POGLUT3: variants seen among roughly 807,000 people sequenced by gnomAD.
The protein encoded by POGLUT3 is protein O-glucosyltransferase 3.
In POGLUT3, 48 loss-of-function variants were observed where a neutral mutation model predicts 54.3. The observed-to-expected ratio is 0.88, with a 90% CI of 0.70 to 1.12. The LOEUF is 1.12. Among genes scored for constraint, POGLUT3 ranks in the 50% most tolerant of loss-of-function variants. POGLUT3 has a pLI of 0.00. For synonymous variants in POGLUT3, 218 were observed against 237.4 expected, an observed-to-expected ratio of 0.92 and a Z score of 0.75; for missense variants, 629 against 618.7, an observed-to-expected ratio of 1.02 and a Z score of -0.18.
At chr11:108,488,700 A>G (rs953611969) in intron 2 of POGLUT3, among the ~76,000 whole-genome samples, 1 of 152,232 alleles carries the variant, frequency 6.6e-6, no homozygotes, top group African/African-American at 2.4e-5. Flanking sequence ...CAGTTTAATT[A>G]TTTAGGTATA....
At chr11:108,485,241 G>A (rs1024812864) in intron 3 of POGLUT3, among the ~76,000 whole-genome samples, 1 of 152,190 alleles carries the variant, frequency 6.6e-6, no homozygotes, top group Non-Finnish European at 1.5e-5. Flanking sequence ...CAAGGAAAAT[G>A]TGTTCTAAGT....
In POGLUT3 at chr11:108,493,734, G is replaced by T. The variant is rs554913649; in HGVS notation, c.203-2567C>A. ...CAGGAGACTCACTTGAACCCAGGAG[G>T]CGGAGGTTGCAGTGAGCCGAGATCG... On this transcript the variant is annotated intron_variant, in intron 1 of 7. Transcript: ENST00000323468. Among the ~76,000 whole-genome samples, 1,347 of 151,240 alleles carry T rather than the reference G, an allele frequency of 8.9e-3. 20 individuals are homozygous for T. Among genetic ancestry groups the T allele is most frequent in the African/African-American group, 0.031 (1,260 of 41,092 alleles).
chr11:108,475,576 T>C (rs1167214257), intron 7 of POGLUT3, among the ~76,000 whole-genome samples: 1 of 150,098 alleles, frequency 6.7e-6, no homozygotes, highest in Non-Finnish European at 1.5e-5. Context: ...CAAGTGATCC[T>C]TACACCTCAG....
At chr11:108,477,561 C>A in intron 7 of POGLUT3, 46 bp downstream of exon 7, 1 of 1,207,954 alleles carries the variant, frequency 8.3e-7, no homozygotes, top group South Asian at 1.3e-5. Context: ...AGCGGGTAGT[C>A]TGAGGACACC....
In POGLUT3 at chr11:108,498,212, A is replaced by G. The variant is rs2093625928; in HGVS notation, c.155T>C (p.Leu52Pro). 2.6e-6 allele frequency: 4 copies of G among 1,520,170 alleles called. No individual in the cohort carries two copies. The highest frequency in any genetic ancestry group is 3.5e-6 in the Non-Finnish European group (4 of 1,135,828). The allele number at this position is 1,520,170 out of a possible 1,614,324, so 94.2% of individuals were successfully genotyped here. ...CTGGCCCTCCGAGTTGACCGCCTGCAGGTAGAAATAGCGGACCGGCAGGAC... is the reference window on the plus strand; with the variant it reads ...CTGGCCCTCCGAGTTGACCGCCTGCGGGTAGAAATAGCGGACCGGCAGGAC... The part of the protein sequence containing the change: ...AVVLPVRYFY[L>P]QAVNSEGQNL... The change falls in exon 1 of 8, where the codon CTG becomes CCG. Residue 52 changes from leucine to proline, a missense_variant. Leu to Pro is a moderately conservative substitution (Grantham distance 98, BLOSUM62 -3). Coordinates refer to ENST00000323468, the MANE Select transcript of POGLUT3 (RefSeq NM_153705.5).
At chr11:108,490,551 A>G (rs10890848) in intron 2 of POGLUT3, among the ~76,000 whole-genome samples, 57,187 of 151,962 alleles carry the variant, frequency 0.38, 11,674 homozygotes, top group Middle Eastern at 0.64. Flanking sequence ...CCATAGAGCA[A>G]GACCCTGTCT....
intron 5 of POGLUT3, among the ~76,000 whole-genome samples, chr11:108,480,223 G>A (rs1308784358): frequency 2.0e-5 from 3 of 152,240 alleles, no homozygotes; most frequent in East Asian, 1.9e-4. Context: ...TTCCTTATAC[G>A]CAGTCTATGA....
At position 108,479,293 on chromosome 11, in the gene POGLUT3, A is replaced by G. The variant is rs893688351; in HGVS notation, c.1293+8T>C. 5 of 1,591,688 alleles carry G rather than the reference A, an allele frequency of 3.1e-6. No homozygotes were observed. Among genetic ancestry groups the G allele is most frequent in the Non-Finnish European group, 4.3e-6 (5 of 1,170,398 alleles). ...TGCTTAAAGAAATAAAAATTGCTGG[A>G]CGCATACCTTAGCCCATTTAACTTT... On this transcript the variant is annotated splice_region_variant and intron_variant, in intron 6 of 7. Transcript: ENST00000323468.
chr11:108,475,251 T>A (rs2135842090), intron 7 of POGLUT3, among the ~76,000 whole-genome samples: 1 of 152,260 alleles, frequency 6.6e-6, no homozygotes, highest in African/African-American at 2.4e-5. Flanking sequence ...ACAGCAGCTC[T>A]CAGCATTTAT....
rs768821007 is a variant in POGLUT3 at position 108,486,137 on chromosome 11, C to T, written c.684+20G>A. The T allele has an allele frequency of 3.2e-6, 5 of 1,538,802 alleles. No individual in the cohort carries two copies. Among genetic ancestry groups the T allele is most frequent in the Non-Finnish European group, 4.5e-6 (5 of 1,115,406 alleles). ...TACCTAAATAATTAAACTGTATTAT[C>T]AATTCATTCATTCTCCTACCTTTCT... On this transcript the variant is annotated intron_variant, in intron 3 of 7. Coordinates refer to ENST00000323468, the MANE Select transcript of POGLUT3 (RefSeq NM_153705.5).
At chr11:108,480,894 A>C (rs2093590993) in intron 5 of POGLUT3, among the ~76,000 whole-genome samples, 1 of 134,852 alleles carries the variant, frequency 7.4e-6, no homozygotes, top group Non-Finnish European at 1.7e-5. Context: ...GAAAGCAAAT[A>C]CAAAAAAAAA....
At chr11:108,496,468 C>A (rs2093622374) in intron 1 of POGLUT3, among the ~76,000 whole-genome samples, 2 of 151,978 alleles carry the variant, frequency 1.3e-5, no homozygotes, top group African/African-American at 4.8e-5. Context: ...GGCTACAAAG[C>A]ACAGCTGAAT....
intron 1 of POGLUT3, among the ~76,000 whole-genome samples, chr11:108,494,596 T>C (rs1415053423): frequency 2.0e-5 from 3 of 152,244 alleles, no homozygotes; most frequent in Admixed American, 6.5e-5. Context: ...CAGTTTCTTA[T>C]GTGTAAAGAC....
chr11:108,473,103 C>G lies in POGLUT3; in HGVS notation c.*1724G>C, dbSNP rs990403715. ...ATGGAGTCTCACTCTGTCACCCAGG[C>G]TGGAGTGCAGTGGTGTAATCTCAGC... On this transcript the variant is annotated 3_prime_UTR_variant, in exon 8 of 8. Transcript: ENST00000323468. The G allele has an allele frequency of 6.6e-6, 1 of 152,252 alleles. No homozygotes were observed. Among genetic ancestry groups the G allele is most frequent in the Non-Finnish European group, 1.5e-5 (1 of 68,050 alleles). 9.4% of individuals were successfully genotyped at this position (152,252 alleles called of 1,614,324 possible).
At chr11:108,482,660 C>T (rs904361048) in intron 3 of POGLUT3, among the ~76,000 whole-genome samples, 21 of 152,050 alleles carry the variant, frequency 1.4e-4, no homozygotes, top group Non-Finnish European at 2.8e-4. Flanking sequence ...GCAGGAGAAT[C>T]GCTTGAACCT....
chr11:108,475,674 G>A (rs1270019011), intron 7 of POGLUT3, among the ~76,000 whole-genome samples: 1 of 151,730 alleles, frequency 6.6e-6, no homozygotes, highest in East Asian at 1.9e-4. Context: ...TCACCATGTT[G>A]CACAGCCTGG....
At chr11:108,484,799 GTCTC>G (rs995345279) in intron 3 of POGLUT3, among the ~76,000 whole-genome samples, 5 of 152,020 alleles carry the variant, frequency 3.3e-5, no homozygotes, top group African/African-American at 4.8e-5. Flanking sequence ...TCCCTTTATG[GTCTC>G]TCTAAGTAAG....
rs537424181 is a variant in POGLUT3 at position 108,474,858 on chromosome 11, T to A, written c.1493A>T (p.His498Leu). Residue 498 changes from histidine (H) to leucine (L), a missense_variant, in exon 8 of 8, where the codon CAC becomes CTC. His to Leu is a moderately conservative substitution (Grantham distance 99). Transcript: ENST00000323468. ...PEDSTAICQCHRKKPSREEL is the reference protein window; with the variant it reads ...PEDSTAICQCLRKKPSREEL ...TTCTTCTCTTGAAGGCTTTTTCCTG[T>A]GGCACTGGCAGATGGCTGTGCTATC... is the stretch of plus-strand genomic sequence containing the variant. The A allele has an allele frequency of 8.1e-6, 13 of 1,614,064 alleles. No homozygotes were observed. In the African/African-American group the frequency reaches 1.6e-4, roughly 20 times the overall value.
rs976530508 is a variant in POGLUT3 at position 108,474,223 on chromosome 11, G to T, written c.*604C>A. 1 of 152,134 alleles carries T rather than the reference G, an allele frequency of 6.6e-6. No individual in the cohort carries two copies. Among genetic ancestry groups the T allele is most frequent in the African/African-American group, 2.4e-5 (1 of 41,438 alleles). The allele number at this position is 152,134 out of a possible 1,614,324, so 9.4% of individuals were successfully genotyped here. On this transcript the variant is annotated 3_prime_UTR_variant, in exon 8 of 8. Coordinates refer to ENST00000323468, the MANE Select transcript of POGLUT3 (RefSeq NM_153705.5). ...TATATTTTAGCAAGTCTCTCTATCGGCTATGATCCCCAAGTTTTCTTTTTA... is the reference window on the plus strand; with the variant it reads ...TATATTTTAGCAAGTCTCTCTATCGTCTATGATCCCCAAGTTTTCTTTTTA...
Sources: gnomAD v4.1 joint callset for allele counts (sites outside exome capture counted in the v4.1 genomes callset) on GRCh38, gnomAD v4.1.1 for gene constraint, MANE v1.5 for transcripts, NCBI Gene and HGNC (gene_info 2026-07-23, HGNC 2026-07-21) for gene names.